The following CHST5 variants were observed in gnomAD, a reference collection of about 807,000 sequenced individuals.
CHST5 encodes carbohydrate sulfotransferase 5, also known as GST4-alpha.
For missense variants in CHST5, 637 were observed against 602.1 expected (o/e 1.06, Z -0.61); for synonymous variants, 313 against 279.2 (o/e 1.12, Z -1.21).
rs1220808328 is a variant in CHST5, at chr16:75,535,574, T to C, written c.-1634-165A>G. 2.0e-5 allele frequency among the ~76,000 whole-genome samples: 3 copies of C among 152,164 alleles called. 1 individual carries two copies. The highest frequency in any genetic ancestry group is 7.2e-5 in the African/African-American group (3 of 41,452). On this transcript the variant is annotated intron_variant, in intron 1 of 3. Transcript: ENST00000336257. Reference sequence around the variant, plus strand: ...AACAACCCTCGGCGCTGCCCCGCAATCTTCAGCGCTGCCTGGTGAGGAGCT... The same window carrying C: ...AACAACCCTCGGCGCTGCCCCGCAACCTTCAGCGCTGCCTGGTGAGGAGCT...
At position 75,529,431 on chromosome 16, in the gene CHST5, C is replaced by A. The variant is rs373714892; in HGVS notation, c.954G>T (p.Thr318=). 22 of 1,613,042 alleles carry A rather than the reference C, an allele frequency of 1.4e-5. No individual in the cohort carries two copies. The highest frequency in any genetic ancestry group is 1.6e-5 in the Non-Finnish European group (19 of 1,179,920). ...ALYAFTGLTL[T]PQLEAWIHNI... ...TGTGGATCCAGGCCTCGAGCTGTGG[C>A]GTGAGGGTCAGGCCGGTGAAGGCGT... Residue 318 remains threonine, a synonymous_variant, in exon 4 of 4, where the codon ACG becomes ACT. Transcript: ENST00000336257.
At position 75,534,641 on chromosome 16, in the gene CHST5, G is replaced by GAAAC. The variant is rs370282506; in HGVS notation, c.-1352+482_-1352+485dup. On this transcript the variant is annotated intron_variant, in intron 2 of 3. Coordinates refer to ENST00000336257, the MANE Select transcript of CHST5 (RefSeq NM_024533.5). The stretch of plus-strand genomic sequence containing the variant: ...GGGTGACAGAGCGAGACTCCGTCTC[G>GAAAC]AAACAAACAAACAAACAAACAAACA... Among the ~76,000 whole-genome samples the GAAAC allele has an allele frequency of 4.1e-3, 630 of 152,116 alleles. 3 individuals are homozygous for GAAAC. The highest frequency in any genetic ancestry group is 0.012 in the African/African-American group (505 of 41,498).
Position 75,528,945 on chromosome 16 carries a change from A to G in CHST5, c.*204T>C. On this transcript the variant is annotated 3_prime_UTR_variant, in exon 4 of 4. Transcript: ENST00000336257. The stretch of plus-strand genomic sequence containing the variant: ...TCCATGAAGAGTGCACCTGATGAGA[A>G]GGCAGCTCCAGAAGACTCAAAGGAA... The G allele has an allele frequency of 1.8e-6, 1 of 554,582 alleles. No homozygotes were observed. The highest frequency in any genetic ancestry group is 3.6e-5 in the Admixed American group (1 of 27,776). The allele number at this position is 554,582 out of a possible 1,614,324, so 34.4% of individuals were successfully genotyped here. A position where few individuals can be genotyped will look rare whatever the true frequency, so the allele number is the denominator to read the frequency against.
In CHST5 at chr16:75,530,211, G is replaced by A. The variant is rs1555503773; in HGVS notation, c.174C>T (p.Gly58=). ...ISRPGPSSPA[G]GEDRVHVLVL... ...CCAGCACGTGCACACGATCCTCGCC[G>A]CCGGCTGGGGATGAGGGCCCTGGCC... Residue 58 remains glycine (G), a synonymous_variant, in exon 4 of 4, where the codon GGC becomes GGT. Coordinates refer to ENST00000336257, the MANE Select transcript of CHST5 (RefSeq NM_024533.5). The A allele has an allele frequency of 3.7e-6, 6 of 1,613,612 alleles. No individual in the cohort carries two copies. The highest frequency in any genetic ancestry group is 2.2e-5 in the East Asian group (1 of 44,874).
At chr16:75,533,438 C>T (rs918371491) in intron 2 of CHST5, among the ~76,000 whole-genome samples, 6 of 152,172 alleles carry the variant, frequency 3.9e-5, no homozygotes, top group African/African-American at 1.4e-4. Flanking sequence ...CAGTGCAGGG[C>T]CCTGTGGTGG....
In CHST5 at chr16:75,529,593, A is replaced by C. The variant is rs2080494954; in HGVS notation, c.792T>G (p.Ile264Met). Residue 264 changes from isoleucine (I) to methionine (M), a missense_variant, in exon 4 of 4, where the codon ATT (isoleucine) becomes ATG (methionine). Ile to Met is a conservative substitution (Grantham distance 10). Coordinates refer to ENST00000336257, the MANE Select transcript of CHST5 (RefSeq NM_024533.5). ...WVEADPHLRLIREVCRSHVRI... is the reference protein window; with the variant it reads ...WVEADPHLRLMREVCRSHVRI... The stretch of plus-strand genomic sequence containing the variant: ...GCACGTGGCTGCGGCACACCTCGCG[A>C]ATCAGGCGCAGGTGAGGGTCGGCCT... 1.9e-6 allele frequency: 3 copies of C among 1,610,212 alleles called. No individual in the cohort carries two copies. The highest frequency in any genetic ancestry group is 2.5e-6 in the Non-Finnish European group (3 of 1,178,902).
At chr16:75,534,882 C>A (rs147464123) in intron 2 of CHST5, among the ~76,000 whole-genome samples, 1 of 152,210 alleles carries the variant, frequency 6.6e-6, no homozygotes, top group South Asian at 2.1e-4. Flanking sequence ...ACCCGCACCC[C>A]GACCCCTGCC....
Position 75,530,155 on chromosome 16 carries a change from A to C in CHST5, c.230T>G (p.Phe77Cys). The C allele has an allele frequency of 6.2e-7, 1 of 1,613,598 alleles. No homozygotes were observed. Among genetic ancestry groups the C allele is most frequent in the Non-Finnish European group, 8.5e-7 (1 of 1,179,982 alleles). ...VLSSWRSGSS[F>C]LGQLFSQHPD... is the part of the protein sequence containing the mutation. The stretch of plus-strand genomic sequence containing the variant: ...GTGCTGGCTGAAGAGCTGGCCCAAG[A>C]AGGATGAGCCCGAGCGCCACGAGGA... Residue 77 changes from phenylalanine (F) to cysteine (C), a missense_variant, in exon 4 of 4, where the codon TTC (phenylalanine) becomes TGC (cysteine). Transcript: ENST00000336257.
intron 2 of CHST5, 25 bp from the exon 3 acceptor site, chr16:75,533,208 A>G (rs2080537646): frequency 1.4e-6 from 1 of 702,308 alleles, no homozygotes; most frequent in African/African-American, 1.7e-5. Context: ...TACATTCAGC[A>G]CAGTGGACAA....
Position 75,529,088 on chromosome 16 carries a change from A to G in CHST5, c.*61T>C, listed in dbSNP as rs1454188284. On this transcript the variant is annotated 3_prime_UTR_variant, in exon 4 of 4. Coordinates refer to ENST00000336257, the MANE Select transcript of CHST5 (RefSeq NM_024533.5). ...CATGCGCCCCAGCTCCCTCTCCACC[A>G]TGCAGTCGCCTCCTGGGCCTGGCGA... 6.7e-7 allele frequency: 1 copy of G among 1,496,288 alleles called. No homozygotes were observed. Among genetic ancestry groups the G allele is most frequent in the Non-Finnish European group, 8.9e-7 (1 of 1,124,450 alleles). 92.7% of individuals were successfully genotyped at this position (1,496,288 alleles called of 1,614,324 possible). A position where few individuals can be genotyped will look rare whatever the true frequency, so the allele number is the denominator to read the frequency against.
rs575489467 is a variant in CHST5, at chr16:75,530,741, G to C, written c.-357C>G. On this transcript the variant is annotated 5_prime_UTR_variant, in exon 4 of 4. Coordinates refer to ENST00000336257, the MANE Select transcript of CHST5 (RefSeq NM_024533.5). ...GCTAAAAGGGCTTGATGGGGGCTTC[G>C]GTGGATGTCAGAGCACCACCAGGCT... The C allele has an allele frequency of 1.9e-6, 2 of 1,064,220 alleles. No individual in the cohort carries two copies. The highest frequency in any genetic ancestry group is 9.7e-5 in the Admixed American group (2 of 20,664). The allele number at this position is 1,064,220 out of a possible 1,614,324, so 65.9% of individuals were successfully genotyped here. A position where few individuals can be genotyped will look rare whatever the true frequency, so the allele number is the denominator to read the frequency against.
At chr16:75,533,972 C>G (rs983884943) in intron 2 of CHST5, among the ~76,000 whole-genome samples, 3 of 136,354 alleles carry the variant, frequency 2.2e-5, no homozygotes, top group Admixed American at 8.3e-5. Flanking sequence ...CCAGGAGACA[C>G]AGGTTACAGT....
At position 75,530,581 on chromosome 16, in the gene CHST5, T is replaced by C. The variant is rs528834616; in HGVS notation, c.-197A>G. On this transcript the variant is annotated 5_prime_UTR_variant, in exon 4 of 4. Coordinates refer to ENST00000336257, the MANE Select transcript of CHST5 (RefSeq NM_024533.5). ...AGAATAATGTGGGATATCATCAAAC[T>C]GTCTACCTACCCACCCACCCACCTA... is the stretch of plus-strand genomic sequence containing the variant. 85 of 1,428,686 alleles carry C rather than the reference T, an allele frequency of 5.9e-5. No individual in the cohort carries two copies. Among genetic ancestry groups the C allele is most frequent in the Non-Finnish European group, 7.7e-5 (84 of 1,089,814 alleles). 88.5% of individuals were successfully genotyped at this position (1,428,686 alleles called of 1,614,324 possible).
rs1199387825 is a variant in CHST5, at chr16:75,531,340, A to G, written c.-956T>C. 19 of 1,002,902 alleles carry G rather than the reference A, an allele frequency of 1.9e-5. No homozygotes were observed. In the East Asian group the frequency reaches 2.0e-3, roughly 103 times the overall value. 62.1% of individuals were successfully genotyped at this position (1,002,902 alleles called of 1,614,324 possible). A position where few individuals can be genotyped will look rare whatever the true frequency, so the allele number is the denominator to read the frequency against. On this transcript the variant is annotated 5_prime_UTR_variant, in exon 4 of 4. Transcript: ENST00000336257. ...CGTTTCAAAAAAAAAAAAAAAAACA[A>G]CAAAAAAAAAACTTTTGTCATTAAA...
Position 75,535,871 on chromosome 16 carries a change from C to A in CHST5, c.-1635+173G>T, listed in dbSNP as rs557272367. Among the ~76,000 whole-genome samples, 7 of 152,322 alleles carry A rather than the reference C, an allele frequency of 4.6e-5. No individual in the cohort carries two copies. In the South Asian group the frequency reaches 1.4e-3, roughly 32 times the overall value. Reference sequence around the variant, plus strand: ...ATGAACGTTGTAACCCTTCCTCACCCCCCCAATCGCCAGAGAACCTGGGAG... The same window carrying A: ...ATGAACGTTGTAACCCTTCCTCACCACCCCAATCGCCAGAGAACCTGGGAG... On this transcript the variant is annotated intron_variant, in intron 1 of 3. Coordinates refer to ENST00000336257, the MANE Select transcript of CHST5 (RefSeq NM_024533.5).
At chr16:75,534,036 A>C (rs2472199) in intron 2 of CHST5, among the ~76,000 whole-genome samples, 40,638 of 130,124 alleles carry the variant, frequency 0.31, 6,529 homozygotes, top group African/African-American at 0.46. Context: ...AAAACTCCAT[A>C]TCAAAAAAAA....
rs141860770 is a variant in CHST5, at chr16:75,529,339, C to A, written c.1046G>T (p.Arg349Leu). The A allele has an allele frequency of 1.3e-4, 215 of 1,613,010 alleles. No homozygotes were observed. Among genetic ancestry groups the A allele is most frequent in the Non-Finnish European group, 1.7e-4 (205 of 1,179,860 alleles). ...GTGGCGCCAGGCCTGGGAGACGTTG[C>A]GCGCATTCCTAGACGAAGTATGGAA... is the stretch of plus-strand genomic sequence containing the variant. ...EAFHTSSRNARNVSQAWRHAL... is the reference protein window; with the variant it reads ...EAFHTSSRNALNVSQAWRHAL... The change falls in exon 4 of 4, where the codon CGC becomes CTC. Residue 349 changes from arginine to leucine, a missense_variant. By Grantham distance (102) the Arg-to-Leu change is moderately radical (BLOSUM62 -2). Transcript: ENST00000336257.
Position 75,529,446 on chromosome 16 carries a change from G to GAA in CHST5, c.938_939insTT (p.Gly314SerfsTer3), listed in dbSNP as rs752983492. ...CGAGCTGTGGCGTGAGGGTCAGGCCGGTGAAGGCGTAGAGTGCGCGGATCT... is the reference window on the plus strand; with the variant it reads ...CGAGCTGTGGCGTGAGGGTCAGGCCGAAGTGAAGGCGTAGAGTGCGCGGATCT... On this transcript the variant is annotated frameshift_variant, in exon 4 of 4. Coordinates refer to ENST00000336257, the MANE Select transcript of CHST5 (RefSeq NM_024533.5). LOFTEE classifies it low-confidence loss of function (END_TRUNC). 4.9e-5 allele frequency: 79 copies of GAA among 1,612,914 alleles called. No homozygotes were observed. The highest frequency in any genetic ancestry group is 1.5e-5 in the Non-Finnish European group (18 of 1,179,904).
In CHST5 at chr16:75,529,460, G is replaced by A. The variant is rs1205824963; in HGVS notation, c.925C>T (p.Leu309Phe). ...AGGGTCAGGCCGGTGAAGGCGTAGA[G>A]TGCGCGGATCTCTGCCAGCGGCTCC... ...AREPLAEIRA[L>F]YAFTGLTLTP... The change falls in exon 4 of 4, where the codon CTC becomes TTC. Residue 309 changes from leucine to phenylalanine, a missense_variant. Coordinates refer to ENST00000336257, the MANE Select transcript of CHST5 (RefSeq NM_024533.5). The A allele has an allele frequency of 3.1e-6, 5 of 1,612,656 alleles. No homozygotes were observed. Among genetic ancestry groups the A allele is most frequent in the Non-Finnish European group, 4.2e-6 (5 of 1,179,930 alleles).
Sources: allele counts gnomAD v4.1 joint callset (sites outside exome capture counted in the v4.1 genomes callset), GRCh38; gene constraint gnomAD v4.1.1; transcripts MANE v1.5; gene names NCBI Gene and HGNC (gene_info 2026-07-23, HGNC 2026-07-21).